The following AHRR variants were observed in gnomAD, a reference collection of about 807,000 sequenced individuals.
AHRR encodes ahR repressor.
Under a neutral mutation model 44.0 loss-of-function variants are expected in AHRR, and 28 were observed. The observed-to-expected ratio is 0.64, with a 90% CI of 0.47 to 0.87. The LOEUF is 0.87. AHRR is among the 40% of genes least tolerant of loss of function. The pLI is 0.00. For missense variants in AHRR, 990 were observed against 953.9 expected, an observed-to-expected ratio of 1.04 and a Z score of -0.50; for synonymous variants, 434 against 407.0, an observed-to-expected ratio of 1.07 and a Z score of -0.80.
rs1031393872 is a variant in AHRR at position 387,722 on chromosome 5, T to C, written c.351+11006T>C. ...GGTGGACGCTCGTGTTTTCTGAGTG[T>C]GATCGTGTGTCCATACGCTGTACCT... On this transcript the variant is annotated intron_variant, in intron 4 of 10. Transcript: ENST00000684583. This position sits in a 1 kb window ranked among gnomAD's most constrained non-coding sequence, Gnocchi z 5.1. Among the ~76,000 whole-genome samples the C allele has an allele frequency of 2.0e-5, 3 of 152,224 alleles. No homozygotes were observed. Among genetic ancestry groups the C allele is most frequent in the Non-Finnish European group, 2.9e-5 (2 of 68,028 alleles).
chr5:422,793 G>C lies in AHRR; in HGVS notation c.506G>C (p.Arg169Pro). Reference protein sequence around the residue: ...IHVDDRQDFCRQLHWAMDPPQ... With the variant: ...IHVDDRQDFCPQLHWAMDPPQ... ...GTGGACGACCGCCAGGACTTCTGCC[G>C]GCAGCTCCACTGGGCCATGGACCCT... The change falls in exon 6 of 11, where the codon CGG (arginine) becomes CCG (proline). Residue 169 changes from arginine to proline, a missense_variant. Coordinates refer to ENST00000684583, the MANE Select transcript of AHRR (RefSeq NM_001377236.1). 1 of 1,614,082 alleles carries C rather than the reference G, an allele frequency of 6.2e-7. No homozygotes were observed. Among genetic ancestry groups the C allele is most frequent in the Non-Finnish European group, 8.5e-7 (1 of 1,180,030 alleles).
chr5:368,192 G>A (rs1275091922), intron 3 of AHRR, among the ~76,000 whole-genome samples: 1 of 152,216 alleles, frequency 6.6e-6, no homozygotes. Context: ...GTGGGTAGAG[G>A]GCAGAGGACT....
At chr5:396,598 G>C (rs965816931) in intron 4 of AHRR, among the ~76,000 whole-genome samples, 1 of 152,156 alleles carries the variant, frequency 6.6e-6, no homozygotes, top group Non-Finnish European at 1.5e-5. Context: ...ACGTTTTACC[G>C]TCTGTTGTAG....
chr5:351,935 C>T (rs770670323), intron 2 of AHRR, among the ~76,000 whole-genome samples: 1 of 152,202 alleles, frequency 6.6e-6, no homozygotes, highest in African/African-American at 2.4e-5. Flanking sequence ...TAAGGAACTT[C>T]TTGACAAAAG....
Position 434,694 on chromosome 5 carries a change from G to T in AHRR, c.1954G>T (p.Ala652Ser), listed in dbSNP as rs368577708. ...QSCTCRAAEA[A>S]PVVKREPLDS... ...CTGCACCTGCAGAGCTGCTGAGGCCGCCCCTGTGGTCAAGCGGGAGCCCTT... is the reference window on the plus strand; with the variant it reads ...CTGCACCTGCAGAGCTGCTGAGGCCTCCCCTGTGGTCAAGCGGGAGCCCTT... The change falls in exon 11 of 11, where the codon GCC becomes TCC. Residue 652 changes from alanine to serine, a missense_variant. Ala to Ser is a moderately conservative substitution (Grantham distance 99). Transcript: ENST00000684583. 1.3e-6 allele frequency: 2 copies of T among 1,572,430 alleles called. No individual in the cohort carries two copies. Among genetic ancestry groups the T allele is most frequent in the South Asian group, 1.2e-5 (1 of 85,808 alleles).
At chr5:428,865 A>G (rs1027227775) in intron 8 of AHRR, among the ~76,000 whole-genome samples, 4 of 152,204 alleles carry the variant, frequency 2.6e-5, no homozygotes, top group African/African-American at 9.7e-5. Flanking sequence ...ACAGTTCACA[A>G]CAGGGTTCAC....
chr5:322,431 C>CGTCCCACGGGCCTGTCCCACGGGCCT (rs1334506605), intron 1 of AHRR: 2 of 152,030 alleles, frequency 1.3e-5, no homozygotes, highest in Admixed American at 1.3e-4. Context: ...TGTGCAGAAG[C>CGTCCCACGGGCCTGTCCCACGGGCCT]GTCCCACGGG....
chr5:349,704 T>C (rs2126385072), intron 2 of AHRR, among the ~76,000 whole-genome samples: 1 of 152,362 alleles, frequency 6.6e-6, no homozygotes, highest in South Asian at 2.1e-4. Context: ...TCTGAAGGAT[T>C]GATTTTTGCA....
In AHRR at chr5:434,455, T is replaced by C. The variant is rs1266027326; in HGVS notation, c.1715T>C (p.Leu572Pro). The C allele has an allele frequency of 6.2e-7, 1 of 1,613,454 alleles. No homozygotes were observed. The highest frequency in any genetic ancestry group is 8.5e-7 in the Non-Finnish European group (1 of 1,180,000). ...HPATFPTRMH[L>P]KTEPDSRQQV... ...GCCACCTTCCCTACCAGGATGCACC[T>C]GAAAACAGAGCCAGACTCTCGGCAA... The change falls in exon 11 of 11, where the codon CTG becomes CCG. Residue 572 changes from leucine to proline, a missense_variant. Leu to Pro is a moderately conservative substitution (Grantham distance 98). Coordinates refer to ENST00000684583, the MANE Select transcript of AHRR (RefSeq NM_001377236.1).
rs767740278 is a variant in AHRR at position 376,616 on chromosome 5, A to T, written c.251A>T (p.Gln84Leu). 1 of 1,016,918 alleles carries T rather than the reference A, an allele frequency of 9.8e-7. No individual in the cohort carries two copies. Among genetic ancestry groups the T allele is most frequent in the Non-Finnish European group, 1.2e-6 (1 of 842,142 alleles). 63.0% of individuals were successfully genotyped at this position (1,016,918 alleles called of 1,614,324 possible). Residue 84 changes from glutamine (Q) to leucine (L), a missense_variant, in exon 4 of 11, where the codon CAG becomes CTG. Transcript: ENST00000684583. ...GTCTTTTCTTCTCTGACAGTCGTGC[A>T]GGAGCAGAGCTCACGGCAGCCTGCG... ...LRVKSFFQVVQEQSSRQPAAG... is the reference protein window; with the variant it reads ...LRVKSFFQVVLEQSSRQPAAG...
intron 2 of AHRR, 55 bp downstream of exon 2, chr5:344,019 G>C: frequency 6.5e-7 from 1 of 1,547,954 alleles, no homozygotes; most frequent in Non-Finnish European, 8.7e-7. Flanking sequence ...GAAGGGGAGG[G>C]TTGGGGTTTG....
intron 5 of AHRR, among the ~76,000 whole-genome samples, chr5:416,385 G>T (rs1579691001): frequency 6.6e-6 from 1 of 152,252 alleles, no homozygotes; most frequent in East Asian, 1.9e-4. Flanking sequence ...GCAGGGGAGT[G>T]CTGGGAAAAG....
chr5:390,054 A>G lies in AHRR; in HGVS notation c.351+13338A>G, dbSNP rs535664952. Among the ~76,000 whole-genome samples the G allele has an allele frequency of 1.1e-4, 17 of 152,126 alleles. 1 individual carries two copies. The South Asian group carries it at 3.5e-3, about 32-fold the overall frequency. On this transcript the variant is annotated intron_variant, in intron 4 of 10. Coordinates refer to ENST00000684583, the MANE Select transcript of AHRR (RefSeq NM_001377236.1). ...AAGACAGAGGCCAGAAAGGACAAAG[A>G]TGCGCGGGACGAAGAAAAGACAGAG...
intron 4 of AHRR, among the ~76,000 whole-genome samples, chr5:390,928 G>T (rs1481097141): frequency 6.6e-6 from 1 of 152,128 alleles, no homozygotes; most frequent in African/African-American, 2.4e-5. Flanking sequence ...GTTGTTTCTC[G>T]GAAAGCCCCT....
At chr5:341,455 A>G (rs1188235734) in intron 1 of AHRR, among the ~76,000 whole-genome samples, 2 of 151,562 alleles carry the variant, frequency 1.3e-5, no homozygotes, top group African/African-American at 2.4e-5. Flanking sequence ...ATTTTTTTCA[A>G]AGAACCAACT....
intron 1 of AHRR, among the ~76,000 whole-genome samples, chr5:336,718 CATT>C (rs1742141464): frequency 6.6e-6 from 1 of 152,148 alleles, no homozygotes. Context: ...TCCATTGCCA[CATT>C]TAAGGTCATT....
chr5:376,555 A>ACGCGGG, intron 3 of AHRR, 55 bp from the exon 4 acceptor site: 3 of 1,428,904 alleles, frequency 2.1e-6, no homozygotes, highest in Non-Finnish European at 2.8e-6. Flanking sequence ...TGAATGAAGA[A>ACGCGGG]GAGTGGCCAG....
intron 4 of AHRR, among the ~76,000 whole-genome samples, chr5:400,759 T>C (rs1168357181): frequency 6.6e-6 from 1 of 152,248 alleles, no homozygotes. Context: ...AATTCTGCCT[T>C]GTGAGTTAAA....
At chr5:369,639 T>C (rs911755426) in intron 3 of AHRR, among the ~76,000 whole-genome samples, 14 of 152,246 alleles carry the variant, frequency 9.2e-5, no homozygotes, top group African/African-American at 3.4e-4. Flanking sequence ...TCCCACGCTC[T>C]GGCACAGAGT....
Sources: gnomAD v4.1 joint callset for allele counts (sites outside exome capture counted in the v4.1 genomes callset) on GRCh38, gnomAD v4.1.1 for gene constraint, Gnocchi (gnomAD v3.1) non-coding constraint, MANE v1.5 for transcripts, NCBI Gene and HGNC (gene_info 2026-07-23, HGNC 2026-07-21) for gene names.